Variants in MOCOS observed in about 807,000 individuals in gnomAD.
The protein encoded by MOCOS is human molybdenum cofactor sulfurase.
MOCOS carries 86 observed loss-of-function variants against 83.6 expected under a neutral mutation model. The observed-to-expected ratio is 1.03, with a 90% CI of 0.86 to 1.23. MOCOS has a LOEUF of 1.23. Ranked by LOEUF, MOCOS falls within the 50% of genes most tolerant of loss-of-function variation. The probability of loss-of-function intolerance (pLI) is 0.00; values close to 1 mark genes in which losing one functional copy is unlikely to be tolerated. For missense variants in MOCOS, 1,120 were observed against 1,126.9 expected (o/e 0.99, Z 0.09); for synonymous variants, 445 against 434.7 (o/e 1.02, Z -0.29).
intron 8 of MOCOS, among the ~76,000 whole-genome samples, chr18:36,218,811 C>T (rs372968741): frequency 6.5e-4 from 98 of 151,662 alleles, no homozygotes; most frequent in African/African-American, 2.3e-3. Context: ...TAAGCCACTG[C>T]GCCCAGCTCT....
At chr18:36,192,503 A>G (rs1353262498) in intron 1 of MOCOS, among the ~76,000 whole-genome samples, 1 of 152,248 alleles carries the variant, frequency 6.6e-6, no homozygotes, top group African/African-American at 2.4e-5. Flanking sequence ...AAGACTTAAT[A>G]TTGTTAACAT....
chr18:36,208,892 C>A (rs2091444047), intron 6 of MOCOS, among the ~76,000 whole-genome samples: 1 of 152,184 alleles, frequency 6.6e-6, no homozygotes, highest in Non-Finnish European at 1.5e-5. Flanking sequence ...GAAGGGCTTG[C>A]AGCTTTTGCC....
Position 36,271,405 on chromosome 18 carries a change from T to G in MOCOS, c.*2720T>G, listed in dbSNP as rs2144166596. On this transcript the variant is annotated 3_prime_UTR_variant, in exon 15 of 15. Transcript: ENST00000261326. Reference sequence around the variant, plus strand: ...AATTTTAAATGCATTTTTTCTTTAGTGTCTACCTTCAATATTTCTTGTATG... The same window carrying G: ...AATTTTAAATGCATTTTTTCTTTAGGGTCTACCTTCAATATTTCTTGTATG... The G allele has an allele frequency of 6.6e-6, 1 of 152,298 alleles. No homozygotes were observed. The highest frequency in any genetic ancestry group is 1.9e-4 in the East Asian group (1 of 5,186). The allele number at this position is 152,298 out of a possible 1,614,324, so 9.4% of individuals were successfully genotyped here.
At chr18:36,241,889 A>C (rs1411388032) in intron 9 of MOCOS, among the ~76,000 whole-genome samples, 3 of 152,226 alleles carry the variant, frequency 2.0e-5, no homozygotes, top group African/African-American at 7.2e-5. Context: ...TGGCCCTTTT[A>C]GCCACAGCTG....
At chr18:36,200,405 G>T in intron 4 of MOCOS, 81 bp downstream of exon 4, 2 of 1,554,366 alleles carry the variant, frequency 1.3e-6, no homozygotes, top group Non-Finnish European at 1.8e-6. Context: ...TTATGCAAGA[G>T]GTGGGTCTGG....
At chr18:36,254,306 G>A (rs2091632811) in intron 11 of MOCOS, among the ~76,000 whole-genome samples, 1 of 152,142 alleles carries the variant, frequency 6.6e-6, no homozygotes, top group Admixed American at 6.5e-5. Context: ...TACAAAGGAT[G>A]TGATTTCCAG....
At chr18:36,220,264 T>C (rs776804351) in intron 9 of MOCOS, 47 bp downstream of exon 9, 1 of 1,606,930 alleles carries the variant, frequency 6.2e-7, no homozygotes, top group Non-Finnish European at 8.5e-7. Context: ...AACAGCAGCT[T>C]TTATATTCAT....
intron 9 of MOCOS, 53 bp from the exon 10 acceptor site, chr18:36,248,869 G>C: frequency 1.4e-6 from 2 of 1,438,318 alleles, no homozygotes; most frequent in Non-Finnish European, 2.0e-6. Flanking sequence ...TTGAAGTCAA[G>C]TAGCTGTTGT....
Position 36,228,194 on chromosome 18 carries a change from G to C in MOCOS, c.1960+7977G>C, listed in dbSNP as rs536302250. ...TAAAAAAATAACAGTTGCTGATGAG[G>C]TTGTGGAGAAAAAGGAATGCTTATA... On this transcript the variant is annotated intron_variant, in intron 9 of 14. Coordinates refer to ENST00000261326, the MANE Select transcript of MOCOS (RefSeq NM_017947.4). Among the ~76,000 whole-genome samples, 22 of 152,312 alleles carry C rather than the reference G, an allele frequency of 1.4e-4. No individual in the cohort carries two copies. The South Asian group carries it at 4.6e-3, about 32-fold the overall frequency.
chr18:36,265,241 C>G (rs2091677915), intron 13 of MOCOS, among the ~76,000 whole-genome samples: 1 of 152,186 alleles, frequency 6.6e-6, no homozygotes, highest in South Asian at 2.1e-4. Context: ...AGACATGGAT[C>G]ATGAAAAGCA....
chr18:36,203,048 C>A, intron 4 of MOCOS, 65 bp from the exon 5 acceptor site: 1 of 1,481,656 alleles, frequency 6.7e-7, no homozygotes, highest in Non-Finnish European at 9.4e-7. Flanking sequence ...TCATTATATA[C>A]CACGAAATGC....
chr18:36,222,707 T>C (rs953127266), intron 9 of MOCOS, among the ~76,000 whole-genome samples: 4 of 152,038 alleles, frequency 2.6e-5, no homozygotes, highest in Non-Finnish European at 5.9e-5. Flanking sequence ...GTTCACGCCA[T>C]TCTCCTGCCT....
Position 36,200,038 on chromosome 18 carries a change from G to T in MOCOS, c.655G>T (p.Val219Phe), listed in dbSNP as rs188061556. The change falls in exon 4 of 15, where the codon GTC becomes TTC. Residue 219 changes from valine to phenylalanine, a missense_variant. Val to Phe is a conservative substitution (Grantham distance 50). Transcript: ENST00000261326. ...VRYPLSWIEEVKSGRLHPVST... is the reference protein window; with the variant it reads ...VRYPLSWIEEFKSGRLHPVST... The stretch of plus-strand genomic sequence containing the variant: ...ATACCCCCTGTCCTGGATAGAAGAG[G>T]TCAAGTCTGGGCGGTTGCACCCTGT... 6.2e-7 allele frequency: 1 copy of T among 1,614,218 alleles called. No homozygotes were observed. Among genetic ancestry groups the T allele is most frequent in the South Asian group, 1.1e-5 (1 of 91,082 alleles).
chr18:36,233,748 A>G (rs1282048067), intron 9 of MOCOS, among the ~76,000 whole-genome samples: 1 of 152,158 alleles, frequency 6.6e-6, no homozygotes, highest in African/African-American at 2.4e-5. Context: ...GTAAGGTGGT[A>G]TTACATTGTG....
intron 12 of MOCOS, among the ~76,000 whole-genome samples, chr18:36,257,837 G>A (rs533612738): frequency 2.6e-5 from 4 of 152,248 alleles, no homozygotes; most frequent in South Asian, 2.1e-4. Flanking sequence ...CTTGCACCAC[G>A]TGGTCAAGTA....
chr18:36,221,013 C>G (rs556843995), intron 9 of MOCOS, among the ~76,000 whole-genome samples: 24 of 151,750 alleles, frequency 1.6e-4, no homozygotes, highest in African/African-American at 5.5e-4. Flanking sequence ...CTTCACTCAT[C>G]ATCATGTATA....
At chr18:36,208,451 G>C (rs2091442453) in intron 6 of MOCOS, among the ~76,000 whole-genome samples, 1 of 152,058 alleles carries the variant, frequency 6.6e-6, no homozygotes, top group Admixed American at 6.5e-5. Flanking sequence ...TTTTCCATTT[G>C]TTTGTGTGGT....
chr18:36,199,617 C>G, intron 3 of MOCOS, 66 bp from the exon 4 acceptor site: 1 of 1,605,458 alleles, frequency 6.2e-7, no homozygotes, highest in Non-Finnish European at 8.5e-7. Flanking sequence ...AGAAATAAAA[C>G]AGCCTGCAAA....
intron 1 of MOCOS, chr18:36,190,421 T>C (rs2144890454): frequency 6.6e-6 from 1 of 152,130 alleles, no homozygotes; most frequent in South Asian, 2.1e-4. Context: ...GCAGTTCTCG[T>C]GAGGGTGCGT....
Sources: allele counts gnomAD v4.1 joint callset (sites outside exome capture counted in the v4.1 genomes callset), GRCh38; gene constraint gnomAD v4.1.1; transcripts MANE v1.5; gene names NCBI Gene and HGNC (gene_info 2026-07-23, HGNC 2026-07-21).